ZNF891: variants seen among roughly 807,000 people sequenced by gnomAD.
ZNF891 encodes zinc finger protein 891.
For synonymous variants in ZNF891, 199 were observed against 209.0 expected (o/e 0.95, Z 0.41); for missense variants, 589 against 632.7 (o/e 0.93, Z 0.74).
chr12:133,121,588 T>C lies in ZNF891; in HGVS notation c.331A>G (p.Ile111Val). ...GGTTGAATCTTCTGGTCTGGACAGA[T>C]GGCTTGGGGAATTCTCTTTTTCATA... is the stretch of plus-strand genomic sequence containing the variant. ...RNMKKRIPQA[I>V]CPDQKIQPKT... is the part of the protein sequence containing the mutation. The change falls in exon 2 of 2, where the codon ATC becomes GTC. Residue 111 changes from isoleucine (I) to valine (V), a missense_variant. Transcript: ENST00000537226. The C allele has an allele frequency of 7.8e-6, 12 of 1,536,572 alleles. No individual in the cohort carries two copies. The highest frequency in any genetic ancestry group is 1.0e-5 in the Non-Finnish European group (12 of 1,147,014).
chr12:133,121,482 T>G lies in ZNF891; in HGVS notation c.437A>C (p.His146Pro). Residue 146 changes from histidine (H) to proline (P), a missense_variant, in exon 2 of 2, where the codon CAT (histidine) becomes CCT (proline). Transcript: ENST00000537226. ...TTCTCTTAATGTGGAGGACCAATTA[T>G]GCATTGTGAGTTTTATCATTTTCAC... The part of the protein sequence containing the change: ...NAVKMIKLTM[H>P]NWSSTLREDW... The G allele has an allele frequency of 6.5e-7, 1 of 1,536,200 alleles. No homozygotes were observed. Among genetic ancestry groups the G allele is most frequent in the Non-Finnish European group, 8.7e-7 (1 of 1,146,926 alleles).
rs2137611338 is a variant in ZNF891 at position 133,113,703 on chromosome 12, T to C, written c.*6581A>G. On this transcript the variant is annotated 3_prime_UTR_variant, in exon 2 of 2. Transcript: ENST00000537226. Reference sequence around the variant, plus strand: ...TATTCCAGCTTTGGACATTTATTGCTTTACTGTCCCAAGTTTTTTTTGGTT... The same window carrying C: ...TATTCCAGCTTTGGACATTTATTGCCTTACTGTCCCAAGTTTTTTTTGGTT... The C allele has an allele frequency of 6.8e-6, 1 of 146,932 alleles. No individual in the cohort carries two copies. The highest frequency in any genetic ancestry group is 1.9e-4 in the East Asian group (1 of 5,156). The allele number at this position is 146,932 out of a possible 1,614,324, so 9.1% of individuals were successfully genotyped here.
At position 133,104,926 on chromosome 12, in the gene ZNF891, G is replaced by A. The variant is rs905067895; in HGVS notation, c.*15358C>T. Among the ~76,000 whole-genome samples, 1 of 152,062 alleles carries A rather than the reference G, an allele frequency of 6.6e-6. No individual in the cohort carries two copies. The highest frequency in any genetic ancestry group is 2.4e-5 in the African/African-American group (1 of 41,392). ...AATCAGCATAATGCCCAATAGTCAG[G>A]TTTTTAATCCTTACCCTCCTCCCAC... is the stretch of plus-strand genomic sequence containing the variant. On this transcript the variant is annotated 3_prime_UTR_variant, in exon 2 of 2. Coordinates refer to ENST00000537226, the MANE Select transcript of ZNF891 (RefSeq NM_001277291.2).
rs1264990133 is a variant in ZNF891 at position 133,115,171 on chromosome 12, A to C, written c.*5113T>G. On this transcript the variant is annotated 3_prime_UTR_variant, in exon 2 of 2. Coordinates refer to ENST00000537226, the MANE Select transcript of ZNF891 (RefSeq NM_001277291.2). ...CAATTTGGGAGGCTGAGGCAGGCGG[A>C]TCACCTGAGGTTAGGAGTTTGAGAC... The C allele has an allele frequency of 3.9e-5, 6 of 152,136 alleles. No individual in the cohort carries two copies. The South Asian group carries it at 1.2e-3, about 32-fold the overall frequency. The allele number at this position is 152,136 out of a possible 1,614,324, so 9.4% of individuals were successfully genotyped here.
rs540929627 is a variant in ZNF891 at position 133,111,799 on chromosome 12, T to C, written c.*8485A>G. ...TCTTTTAAAAAGTGAATGCAACTTA[T>C]GGAAAAATTAAAAAGGAAACCCAGT... On this transcript the variant is annotated 3_prime_UTR_variant, in exon 2 of 2. Transcript: ENST00000537226. 6 of 151,768 alleles carry C rather than the reference T, an allele frequency of 4.0e-5. No individual in the cohort carries two copies. In the South Asian group the frequency reaches 8.3e-4, roughly 21 times the overall value. 9.4% of individuals were successfully genotyped at this position (151,768 alleles called of 1,614,324 possible).
At chr12:133,129,543 G>A (rs558305322) in intron 1 of ZNF891, among the ~76,000 whole-genome samples, 1 of 150,400 alleles carries the variant, frequency 6.6e-6, no homozygotes, top group Admixed American at 6.6e-5. Flanking sequence ...AGTTAAATGC[G>A]TACTAAATAT....
intron 1 of ZNF891, among the ~76,000 whole-genome samples, chr12:133,129,493 ACT>A (rs1490243668): frequency 2.4e-4 from 32 of 133,780 alleles, no homozygotes; most frequent in South Asian, 1.5e-3. Context: ...AAAGAGCGAA[ACT>A]CTGTCTCAAA....
At position 133,113,648 on chromosome 12, in the gene ZNF891, G is replaced by T; in HGVS notation, c.*6636C>A. ...TTTTATAAAATCTCAGTTTAAAATT[G>T]CTGGGTTTTAAATATTTAAAGGTTA... is the stretch of plus-strand genomic sequence containing the variant. On this transcript the variant is annotated 3_prime_UTR_variant, in exon 2 of 2. Transcript: ENST00000537226. 6.6e-6 allele frequency: 1 copy of T among 152,098 alleles called. No homozygotes were observed. Among genetic ancestry groups the T allele is most frequent in the East Asian group, 1.9e-4 (1 of 5,204 alleles). 9.4% of individuals were successfully genotyped at this position (152,098 alleles called of 1,614,324 possible).
Position 133,120,116 on chromosome 12 carries a change from A to G in ZNF891, c.*168T>C, listed in dbSNP as rs1328563982. The G allele has an allele frequency of 7.8e-6, 4 of 512,010 alleles. No individual in the cohort carries two copies. Among genetic ancestry groups the G allele is most frequent in the Non-Finnish European group, 1.0e-5 (3 of 298,814 alleles). The allele number at this position is 512,010 out of a possible 1,614,324, so 31.7% of individuals were successfully genotyped here. A position where few individuals can be genotyped will look rare whatever the true frequency, so the allele number is the denominator to read the frequency against. ...TCACATATTAAAAATACCTAATTCT[A>G]AACAGCCATGGATCAAAAAAAGTCA... On this transcript the variant is annotated 3_prime_UTR_variant, in exon 2 of 2. Transcript: ENST00000537226.
rs539410246 is a variant in ZNF891, at chr12:133,116,774, C to T, written c.*3510G>A. 2.6e-5 allele frequency: 4 copies of T among 152,210 alleles called. No homozygotes were observed. The highest frequency in any genetic ancestry group is 6.5e-5 in the Admixed American group (1 of 15,272). The allele number at this position is 152,210 out of a possible 1,614,324, so 9.4% of individuals were successfully genotyped here. The stretch of plus-strand genomic sequence containing the variant: ...TCCCTTAATATCCTCAACTATTTCC[C>T]TGAACATTTCCTTTCATTAATTTAA... On this transcript the variant is annotated 3_prime_UTR_variant, in exon 2 of 2. Coordinates refer to ENST00000537226, the MANE Select transcript of ZNF891 (RefSeq NM_001277291.2).
Position 133,120,599 on chromosome 12 carries a change from G to A in ZNF891, c.1320C>T (p.Ala440=). 1 of 1,560,634 alleles carries A rather than the reference G, an allele frequency of 6.4e-7. No homozygotes were observed. The highest frequency in any genetic ancestry group is 8.7e-7 in the Non-Finnish European group (1 of 1,153,758). The change falls in exon 2 of 2, where the codon GCC becomes GCT. Residue 440 remains alanine, a synonymous_variant. Coordinates refer to ENST00000537226, the MANE Select transcript of ZNF891 (RefSeq NM_001277291.2). The part of the protein sequence containing the change: ...KLYECSECGK[A]FNTSSHLKVH... ...CTTTAAGGTGAGAGCTCGTGTTGAA[G>A]GCTTTTCCACACTCACTGCATTCAT...
intron 1 of ZNF891, among the ~76,000 whole-genome samples, chr12:133,129,169 A>G (rs1443499633): frequency 1.3e-5 from 2 of 152,172 alleles, no homozygotes; most frequent in Admixed American, 1.3e-4. Flanking sequence ...TCTAAAACAG[A>G]ATACGAACTA....
intron 1 of ZNF891, among the ~76,000 whole-genome samples, chr12:133,122,550 G>C (rs1370244410): frequency 6.6e-6 from 1 of 152,152 alleles, no homozygotes; most frequent in East Asian, 1.9e-4. Flanking sequence ...TCACTTCAAT[G>C]AGAACATACG....
At chr12:133,127,390 T>C (rs2137627561) in intron 1 of ZNF891, among the ~76,000 whole-genome samples, 1 of 152,236 alleles carries the variant, frequency 6.6e-6, no homozygotes, top group Middle Eastern at 3.4e-3. Flanking sequence ...CTCCAAGAGA[T>C]GATAAACAGA....
In ZNF891 at chr12:133,120,552, C is replaced by G. The variant is rs1223606124; in HGVS notation, c.1367G>C (p.Gly456Ala). The change falls in exon 2 of 2, where the codon GGA (glycine) becomes GCA (alanine). Residue 456 changes from glycine (G) to alanine (A), a missense_variant. Physicochemically the swap from Gly to Ala is moderately conservative, Grantham distance 60. Transcript: ENST00000537226. ...HLKVHKKIHTGENVYECSDCG... is the reference protein window; with the variant it reads ...HLKVHKKIHTAENVYECSDCG... ...GTCACTGCATTCATAAACATTCTCT[C>G]CGGTATGAATTTTCTTATGAACTTT... The G allele has an allele frequency of 1.9e-6, 3 of 1,562,056 alleles. No homozygotes were observed. The highest frequency in any genetic ancestry group is 2.6e-6 in the Non-Finnish European group (3 of 1,154,806).
At position 133,105,640 on chromosome 12, in the gene ZNF891, G is replaced by C; in HGVS notation, c.*14644C>G. On this transcript the variant is annotated 3_prime_UTR_variant, in exon 2 of 2. Transcript: ENST00000537226. ...TGTATTCCAGTTTTAAAGGAGGCTG[G>C]AAATGCAAGGATCATACTGAGATGC... 6.2e-7 allele frequency: 1 copy of C among 1,614,176 alleles called. No homozygotes were observed. The highest frequency in any genetic ancestry group is 8.5e-7 in the Non-Finnish European group (1 of 1,180,040).
rs1330283051 is a variant in ZNF891, at chr12:133,107,423, T to C, written c.*12861A>G. 6.6e-6 allele frequency: 1 copy of C among 152,204 alleles called. No homozygotes were observed. The highest frequency in any genetic ancestry group is 1.5e-5 in the Non-Finnish European group (1 of 68,034). The allele number at this position is 152,204 out of a possible 1,614,324, so 9.4% of individuals were successfully genotyped here. A position where few individuals can be genotyped will look rare whatever the true frequency, so the allele number is the denominator to read the frequency against. Reference sequence around the variant, plus strand: ...GTTATAAATAAATCTTTTGGTTTATTATAAACCTTCTGCTTGCTGATTTTT... The same window carrying C: ...GTTATAAATAAATCTTTTGGTTTATCATAAACCTTCTGCTTGCTGATTTTT... On this transcript the variant is annotated 3_prime_UTR_variant, in exon 2 of 2. Coordinates refer to ENST00000537226, the MANE Select transcript of ZNF891 (RefSeq NM_001277291.2).
chr12:133,106,406 A>G lies in ZNF891; in HGVS notation c.*13878T>C. Reference sequence around the variant, plus strand: ...GCATGCATCCCTTATTCAACATACGAAGAGTCACACTGGAGAGAAACCCTA... The same window carrying G: ...GCATGCATCCCTTATTCAACATACGGAGAGTCACACTGGAGAGAAACCCTA... On this transcript the variant is annotated 3_prime_UTR_variant, in exon 2 of 2. Coordinates refer to ENST00000537226, the MANE Select transcript of ZNF891 (RefSeq NM_001277291.2). 1 of 1,614,200 alleles carries G rather than the reference A, an allele frequency of 6.2e-7. No homozygotes were observed. The highest frequency in any genetic ancestry group is 8.5e-7 in the Non-Finnish European group (1 of 1,180,028).
At position 133,121,849 on chromosome 12, in the gene ZNF891, TTC is replaced by T; in HGVS notation, c.68_69del (p.Arg23LysfsTer3). On this transcript the variant is annotated frameshift_variant, in exon 2 of 2. Transcript: ENST00000537226. LOFTEE classifies it low-confidence loss of function (END_TRUNC). Reference sequence around the variant, plus strand: ...GCAATCATCCTTTCCTCTTCAGCATTTCTCAGATGGAAACAGGCAGAGTCCTG... The same window carrying T: ...GCAATCATCCTTTCCTCTTCAGCATTTCAGATGGAAACAGGCAGAGTCCTG... ...TKQDSACFHL[R>X]NAEEERMIAV... The T allele has an allele frequency of 6.5e-7, 1 of 1,536,626 alleles. No homozygotes were observed. The highest frequency in any genetic ancestry group is 8.7e-7 in the Non-Finnish European group (1 of 1,147,010).
Sources: gnomAD v4.1 joint callset for allele counts (sites outside exome capture counted in the v4.1 genomes callset) on GRCh38, gnomAD v4.1.1 for gene constraint, MANE v1.5 for transcripts, NCBI Gene and HGNC (gene_info 2026-07-23, HGNC 2026-07-21) for gene names.